The following NSRP1 variants were observed in gnomAD, a reference collection of about 807,000 sequenced individuals.
NSRP1 encodes the protein coiled-coil domain containing 55.
In NSRP1, 24 loss-of-function variants were observed where a neutral mutation model predicts 54.7. The observed-to-expected ratio is 0.44, with a 90% CI of 0.32 to 0.62. The LOEUF is 0.62. Among genes scored for constraint, NSRP1 ranks in the 20% least tolerant of loss-of-function variants. NSRP1 has a pLI of 0.06. For synonymous variants in NSRP1, 210 were observed against 213.8 expected (o/e 0.98, Z 0.15); for missense variants, 596 against 651.2 (o/e 0.92, Z 0.92).
At chr17:30,180,833 A>T (rs1428955847) in intron 5 of NSRP1, 75 bp from the exon 6 acceptor site, 2 of 940,270 alleles carry the variant, frequency 2.1e-6, no homozygotes, top group Non-Finnish European at 3.5e-6. Flanking sequence ...TGTATGTTAT[A>T]TACTGTATGT....
chr17:30,147,503 T>C (rs1002076841), intron 2 of NSRP1, among the ~76,000 whole-genome samples: 2 of 151,656 alleles, frequency 1.3e-5, no homozygotes, highest in Non-Finnish European at 2.9e-5. Context: ...CTCGCTCTGT[T>C]GCCCAGGCTG....
At chr17:30,145,370 G>A (rs559991410) in intron 2 of NSRP1, among the ~76,000 whole-genome samples, 66 of 152,266 alleles carry the variant, frequency 4.3e-4, no homozygotes, top group African/African-American at 1.6e-3. Context: ...GGATCACGAG[G>A]TCAAGAGGTT....
chr17:30,167,648 T>A (rs1446857763), intron 2 of NSRP1, among the ~76,000 whole-genome samples: 2 of 152,118 alleles, frequency 1.3e-5, no homozygotes, highest in Non-Finnish European at 2.9e-5. Flanking sequence ...CTTTTAATTG[T>A]AGTAGTTTTT....
intron 2 of NSRP1, among the ~76,000 whole-genome samples, chr17:30,159,110 A>AT (rs1567800476): frequency 6.6e-6 from 1 of 151,994 alleles, no homozygotes; most frequent in African/African-American, 2.4e-5. Flanking sequence ...ATGTCTTTCC[A>AT]TTTTTTTGTG....
chr17:30,161,472 C>CT (rs1904513411), intron 2 of NSRP1, among the ~76,000 whole-genome samples: 1 of 152,102 alleles, frequency 6.6e-6, no homozygotes, highest in Non-Finnish European at 1.5e-5. Context: ...AATTTTTACC[C>CT]TGTTGCTTTC....
chr17:30,147,813 C>CTT (rs113635257), intron 2 of NSRP1, among the ~76,000 whole-genome samples: 7 of 141,140 alleles, frequency 5.0e-5, no homozygotes, highest in Admixed American at 7.2e-5. Context: ...CACTGACCAA[C>CTT]TTTTTTTTTT....
intron 3 of NSRP1, among the ~76,000 whole-genome samples, chr17:30,175,646 C>T (rs531407434): frequency 1.3e-5 from 2 of 151,978 alleles, no homozygotes; most frequent in Non-Finnish European, 2.9e-5. Flanking sequence ...CTCAGGAGAT[C>T]CGCCCGTCTT....
intron 6 of NSRP1, among the ~76,000 whole-genome samples, chr17:30,184,297 A>G (rs1185241191): frequency 6.6e-6 from 1 of 152,230 alleles, no homozygotes; most frequent in Non-Finnish European, 1.5e-5. Context: ...ACTTTTCCCA[A>G]TTATTCTTTG....
At chr17:30,117,352 G>A (rs1342388524) in intron 1 of NSRP1, 3 of 530,512 alleles carry the variant, frequency 5.7e-6, no homozygotes, top group Non-Finnish European at 1.0e-5. Context: ...TAGGAAATTG[G>A]GGTATACGTT....
chr17:30,127,945 TC>T, intron 2 of NSRP1: 1 of 397,816 alleles, frequency 2.5e-6, no homozygotes, highest in East Asian at 3.6e-5. Context: ...AGCACGCCTC[TC>T]ACCTCAGCCT....
In NSRP1 at chr17:30,136,318, A is replaced by AT. The variant is rs145971736; in HGVS notation, c.114+18153dup. Among the ~76,000 whole-genome samples the AT allele has an allele frequency of 7.3e-3, 1,104 of 151,896 alleles. 20 individuals are homozygous for AT. The highest frequency in any genetic ancestry group is 0.025 in the African/African-American group (1,045 of 41,412). The stretch of plus-strand genomic sequence containing the variant: ...TTTTTTGGACTATTCTGTTTCATTG[A>AT]TTTTTTTTCTTTAATCCTGGTTCAA... On this transcript the variant is annotated intron_variant, in intron 2 of 6. Coordinates refer to ENST00000247026, the MANE Select transcript of NSRP1 (RefSeq NM_032141.4).
chr17:30,161,407 A>T (rs1904511297), intron 2 of NSRP1, among the ~76,000 whole-genome samples: 1 of 152,140 alleles, frequency 6.6e-6, no homozygotes, highest in East Asian at 1.9e-4. Flanking sequence ...GCACTATTAT[A>T]TATACTGTTT....
chr17:30,131,408 T>C (rs959626295), intron 2 of NSRP1, among the ~76,000 whole-genome samples: 3 of 152,190 alleles, frequency 2.0e-5, no homozygotes, highest in Non-Finnish European at 4.4e-5. Flanking sequence ...CTCACTGATA[T>C]TGTGGGTATG....
At chr17:30,137,241 A>G (rs945755145) in intron 2 of NSRP1, among the ~76,000 whole-genome samples, 3 of 152,180 alleles carry the variant, frequency 2.0e-5, no homozygotes, top group Non-Finnish European at 2.9e-5. Context: ...GTCATTCACA[A>G]ATCATCTTAT....
chr17:30,137,778 A>G (rs1435937226), intron 2 of NSRP1, among the ~76,000 whole-genome samples: 2 of 152,212 alleles, frequency 1.3e-5, no homozygotes, highest in African/African-American at 4.8e-5. Context: ...AAATACTAGG[A>G]TAAACTGTAC....
chr17:30,138,107 T>C (rs2071765911), intron 2 of NSRP1, among the ~76,000 whole-genome samples: 1 of 152,204 alleles, frequency 6.6e-6, no homozygotes, highest in Non-Finnish European at 1.5e-5. Flanking sequence ...TGGAATCATA[T>C]AGTATTTGTC....
At chr17:30,167,735 A>G (rs1006069112) in intron 2 of NSRP1, among the ~76,000 whole-genome samples, 4 of 152,232 alleles carry the variant, frequency 2.6e-5, no homozygotes, top group Non-Finnish European at 2.9e-5. Context: ...TATGACTACA[A>G]TGTATCTGAA....
At chr17:30,155,670 G>A (rs891067875) in intron 2 of NSRP1, among the ~76,000 whole-genome samples, 4 of 151,908 alleles carry the variant, frequency 2.6e-5, no homozygotes, top group African/African-American at 9.7e-5. Context: ...CAGCCTCCTG[G>A]CTGTAGCTAG....
intron 2 of NSRP1, among the ~76,000 whole-genome samples, chr17:30,138,924 T>TTG (rs1567793831): frequency 1.0e-4 from 14 of 138,300 alleles, no homozygotes; most frequent in Admixed American, 8.1e-4. Flanking sequence ...TTTTTTTTTT[T>TTG]TTTTTTTTTT....
Sources: gnomAD v4.1 joint callset for allele counts (sites outside exome capture counted in the v4.1 genomes callset) on GRCh38, gnomAD v4.1.1 for gene constraint, MANE v1.5 for transcripts, NCBI Gene and HGNC (gene_info 2026-07-23, HGNC 2026-07-21) for gene names.